The following TMEM120B variants were observed in gnomAD, a reference collection of about 807,000 sequenced individuals.
The protein encoded by TMEM120B is transmembrane protein 120B.
Under a neutral mutation model 55.5 loss-of-function variants are expected in TMEM120B, and 31 were observed. That is an observed-to-expected ratio of 0.56 (90% CI 0.42 to 0.75). TMEM120B has a LOEUF of 0.75. TMEM120B is among the 30% of genes least tolerant of loss of function. The probability of loss-of-function intolerance (pLI) is 0.00; values close to 1 mark genes in which losing one functional copy is unlikely to be tolerated. For missense variants in TMEM120B, 399 were observed against 425.5 expected, an observed-to-expected ratio of 0.94 and a Z score of 0.55; for synonymous variants, 203 against 176.3, an observed-to-expected ratio of 1.15 and a Z score of -1.20.
intron 1 of TMEM120B, among the ~76,000 whole-genome samples, chr12:121,721,265 A>T (rs892600475): frequency 3.3e-5 from 5 of 151,352 alleles, no homozygotes; most frequent in African/African-American, 1.2e-4. Context: ...TGCAGCTTCA[A>T]CTTCCTGGGT....
rs2137488888 is a variant in TMEM120B at position 121,781,504 on chromosome 12, G to T, written c.*5782G>T. 3.1e-6 allele frequency: 1 copy of T among 322,888 alleles called. No individual in the cohort carries two copies. The highest frequency in any genetic ancestry group is 2.1e-5 in the African/African-American group (1 of 47,004). The allele number at this position is 322,888 out of a possible 1,614,324, so 20.0% of individuals were successfully genotyped here. ...AAAACCCATGAGCGGCAGCCCCCCA[G>T]TCCTGGATGGTGGTAAAGAATCCTC... On this transcript the variant is annotated 3_prime_UTR_variant, in exon 12 of 12. Coordinates refer to ENST00000449592, the MANE Select transcript of TMEM120B (RefSeq NM_001080825.2).
At chr12:121,729,356 G>A (rs1894953988) in intron 1 of TMEM120B, among the ~76,000 whole-genome samples, 1 of 152,204 alleles carries the variant, frequency 6.6e-6, no homozygotes, top group Non-Finnish European at 1.5e-5. Flanking sequence ...GACTCCAAGG[G>A]AAGACTGGGA....
chr12:121,739,262 G>A lies in TMEM120B; in HGVS notation c.70-4367G>A, dbSNP rs1872849726. ...GGAGATTGTTCTAGATTAAAGGAGA[G>A]TAAAGAGATATGAACAGTACCAGAA... On this transcript the variant is annotated intron_variant, in intron 1 of 11. Coordinates refer to ENST00000449592, the MANE Select transcript of TMEM120B (RefSeq NM_001080825.2). Among the ~76,000 whole-genome samples, 3 of 152,226 alleles carry A rather than the reference G, an allele frequency of 2.0e-5. No homozygotes were observed. In the East Asian group the frequency reaches 5.8e-4, roughly 29 times the overall value.
At chr12:121,750,541 C>A in intron 4 of TMEM120B, 102 bp downstream of exon 4, 1 of 858,102 alleles carries the variant, frequency 1.2e-6, no homozygotes, top group Non-Finnish European at 1.9e-6. Flanking sequence ...CCCACATCCA[C>A]ACCCACACCA....
intron 7 of TMEM120B, 23 bp from the exon 8 acceptor site, chr12:121,771,462 TTTG>T: frequency 4.4e-6 from 7 of 1,606,898 alleles, no homozygotes; most frequent in Non-Finnish European, 6.0e-6. Flanking sequence ...GGGCCCCACC[TTTG>T]TTTTTTCCTA....
intron 1 of TMEM120B, among the ~76,000 whole-genome samples, chr12:121,722,591 C>A (rs1894815218): frequency 6.6e-6 from 1 of 152,100 alleles, no homozygotes; most frequent in Admixed American, 6.6e-5. Flanking sequence ...TAACATCCTG[C>A]AGAAAGTTGC....
intron 4 of TMEM120B, 102 bp downstream of exon 4, chr12:121,750,541 CA>C: frequency 7.0e-6 from 6 of 858,102 alleles, no homozygotes; most frequent in Non-Finnish European, 9.4e-6. Context: ...CCCACATCCA[CA>C]CCCACACCAA....
In TMEM120B at chr12:121,748,454, C is replaced by A; in HGVS notation, c.305+12C>A. On this transcript the variant is annotated intron_variant, in intron 3 of 11. Coordinates refer to ENST00000449592, the MANE Select transcript of TMEM120B (RefSeq NM_001080825.2). ...CCCAAGAAGAACGGGTAGGAGCTGG[C>A]AACCTCCCCACCCCTAGCACAGGCC... 1 of 1,571,806 alleles carries A rather than the reference C, an allele frequency of 6.4e-7. No individual in the cohort carries two copies. Among genetic ancestry groups the A allele is most frequent in the Non-Finnish European group, 8.7e-7 (1 of 1,145,718 alleles).
At position 121,743,634 on chromosome 12, in the gene TMEM120B, G is replaced by C; in HGVS notation, c.75G>C (p.Thr25=). The change falls in exon 2 of 12, where the codon ACG becomes ACC. Residue 25 remains threonine (T), a synonymous_variant. Coordinates refer to ENST00000449592, the MANE Select transcript of TMEM120B (RefSeq NM_001080825.2). ...LEGEFQELQE[T]HRIYKQKLEE... The stretch of plus-strand genomic sequence containing the variant: ...CCGGGTCCCCTGTTCTTCAGGAGAC[G>C]CACAGGATCTACAAGCAGAAGCTGG... The C allele has an allele frequency of 6.2e-7, 1 of 1,613,056 alleles. No homozygotes were observed. The highest frequency in any genetic ancestry group is 8.5e-7 in the Non-Finnish European group (1 of 1,179,684).
chr12:121,765,765 A>G (rs776909659), intron 6 of TMEM120B, among the ~76,000 whole-genome samples: 5 of 152,064 alleles, frequency 3.3e-5, no homozygotes, highest in Non-Finnish European at 5.9e-5. Context: ...TCTGTTGGAG[A>G]TTTAGCCTCC....
chr12:121,759,268 C>T (rs1023135874), intron 5 of TMEM120B, among the ~76,000 whole-genome samples: 2 of 151,850 alleles, frequency 1.3e-5, no homozygotes, highest in South Asian at 2.1e-4. Context: ...AAGTTCCCTG[C>T]GGCAAATCCG....
At chr12:121,771,121 C>A (rs910925643) in intron 7 of TMEM120B, 149 bp downstream of exon 7, 4 of 880,800 alleles carry the variant, frequency 4.5e-6, no homozygotes, top group Admixed American at 4.3e-5. Flanking sequence ...CTGCGCCGGG[C>A]TGCGCGGGCC....
In TMEM120B at chr12:121,779,408, G is replaced by C; in HGVS notation, c.*3686G>C. The C allele has an allele frequency of 7.2e-7, 1 of 1,388,112 alleles. No individual in the cohort carries two copies. The highest frequency in any genetic ancestry group is 1.2e-5 in the South Asian group (1 of 80,712). The allele number at this position is 1,388,112 out of a possible 1,614,324, so 86.0% of individuals were successfully genotyped here. ...CGCAGGCCCCAGACACCATGAGCTG[G>C]AGGGTCGGGATGGGGCAGCCTCCCT... On this transcript the variant is annotated 3_prime_UTR_variant, in exon 12 of 12. Coordinates refer to ENST00000449592, the MANE Select transcript of TMEM120B (RefSeq NM_001080825.2).
chr12:121,771,462 T>A, intron 7 of TMEM120B, 26 bp from the exon 8 acceptor site: 1 of 1,606,898 alleles, frequency 6.2e-7, no homozygotes, highest in East Asian at 2.2e-5. Context: ...GGGCCCCACC[T>A]TTGTTTTTTC....
chr12:121,779,833 G>T lies in TMEM120B; in HGVS notation c.*4111G>T. ...CTCACAGTGTGTGGGTGGAATGGAG[G>T]GCCAGGGCAGTGCAGCCCGCAGGTT... On this transcript the variant is annotated 3_prime_UTR_variant, in exon 12 of 12. Coordinates refer to ENST00000449592, the MANE Select transcript of TMEM120B (RefSeq NM_001080825.2). 1 of 685,214 alleles carries T rather than the reference G, an allele frequency of 1.5e-6. No individual in the cohort carries two copies. The highest frequency in any genetic ancestry group is 2.4e-6 in the Non-Finnish European group (1 of 413,790). 42.4% of individuals were successfully genotyped at this position (685,214 alleles called of 1,614,324 possible).
chr12:121,781,163 GGGGCC>G lies in TMEM120B; in HGVS notation c.*5443_*5447del. 6.2e-7 allele frequency: 1 copy of G among 1,614,120 alleles called. No homozygotes were observed. Among genetic ancestry groups the G allele is most frequent in the Non-Finnish European group, 8.5e-7 (1 of 1,179,956 alleles). On this transcript the variant is annotated 3_prime_UTR_variant, in exon 12 of 12. Coordinates refer to ENST00000449592, the MANE Select transcript of TMEM120B (RefSeq NM_001080825.2). Reference sequence around the variant, plus strand: ...ACGAGGTGGGTGTTCTGGTAGGACAGGGGCCGCAGCCGGTCATAGTCTTCTTGCCC... The same window carrying G: ...ACGAGGTGGGTGTTCTGGTAGGACAGGCAGCCGGTCATAGTCTTCTTGCCC...
In TMEM120B at chr12:121,723,662, G is replaced by A. The variant is rs1041417940; in HGVS notation, c.69+10698G>A. ...AGTTCCTAGGGATCAGCCTCCCAGG[G>A]CACAGAGAAAGCCAGGACTGATCTG... is the stretch of plus-strand genomic sequence containing the variant. On this transcript the variant is annotated intron_variant, in intron 1 of 11. Coordinates refer to ENST00000449592, the MANE Select transcript of TMEM120B (RefSeq NM_001080825.2). Among the ~76,000 whole-genome samples the A allele has an allele frequency of 3.3e-5, 5 of 152,144 alleles. 1 individual carries two copies. Among genetic ancestry groups the A allele is most frequent in the Non-Finnish European group, 7.3e-5 (5 of 68,030 alleles).
Position 121,780,571 on chromosome 12 carries a change from G to C in TMEM120B, c.*4849G>C, listed in dbSNP as rs1183863412. Reference sequence around the variant, plus strand: ...ATTGCAGTGGATGGGACCAGATCCTGGCTCCACTTCTCGCTAGCTGTGTGG... The same window carrying C: ...ATTGCAGTGGATGGGACCAGATCCTCGCTCCACTTCTCGCTAGCTGTGTGG... On this transcript the variant is annotated 3_prime_UTR_variant, in exon 12 of 12. Coordinates refer to ENST00000449592, the MANE Select transcript of TMEM120B (RefSeq NM_001080825.2). 1.2e-5 allele frequency: 6 copies of C among 513,942 alleles called. No homozygotes were observed. The highest frequency in any genetic ancestry group is 2.1e-5 in the Non-Finnish European group (6 of 292,360). 31.8% of individuals were successfully genotyped at this position (513,942 alleles called of 1,614,324 possible).
rs376937248 is a variant in TMEM120B, at chr12:121,763,842, C to T, written c.551+2104C>T. On this transcript the variant is annotated intron_variant, in intron 6 of 11. Transcript: ENST00000449592. ...ACTAGTGAGGAACACCCAGGAGCTG[C>T]GCAGCCCCCACCGCCTAATGTGCCA... 2.9e-4 allele frequency among the ~76,000 whole-genome samples: 44 copies of T among 152,272 alleles called. No individual in the cohort carries two copies. The East Asian group carries it at 7.2e-3, about 25-fold the overall frequency.
Sources: allele counts gnomAD v4.1 joint callset (sites outside exome capture counted in the v4.1 genomes callset), GRCh38; gene constraint gnomAD v4.1.1; transcripts MANE v1.5; gene names NCBI Gene and HGNC (gene_info 2026-07-23, HGNC 2026-07-21).